Variants in NSG2 observed in about 807,000 individuals in gnomAD.
NSG2 encodes neuronal vesicle trafficking associated 2.
Under a neutral mutation model 16.9 loss-of-function variants are expected in NSG2, and 4 were observed. That is an observed-to-expected ratio of 0.24 (90% CI 0.12 to 0.54). The LOEUF is 0.54. Among genes scored for constraint, NSG2 ranks in the 20% least tolerant of loss-of-function variants. The pLI is 0.95. For synonymous variants in NSG2, 98 were observed against 88.7 expected (o/e 1.11, Z -0.59); for missense variants, 179 against 221.1 (o/e 0.81, Z 1.21).
intron 3 of NSG2, among the ~76,000 whole-genome samples, chr5:174,071,683 G>C (rs140776227): frequency 2.1e-3 from 325 of 152,228 alleles, no homozygotes; most frequent in African/African-American, 7.6e-3. Context: ...GCACTACCCC[G>C]CTGAATGGTC....
chr5:174,101,107 C>T (rs1760890859), intron 3 of NSG2, among the ~76,000 whole-genome samples: 1 of 152,176 alleles, frequency 6.6e-6, no homozygotes, highest in African/African-American at 2.4e-5. Context: ...TGTGGATGAG[C>T]CTGCGACTAT....
chr5:174,078,964 C>T (rs142132119), intron 3 of NSG2, among the ~76,000 whole-genome samples: 267 of 152,314 alleles, frequency 1.8e-3, no homozygotes, highest in South Asian at 0.015. Flanking sequence ...CACATGCACA[C>T]GCACACCCCT....
chr5:174,052,424 C>T (rs1019955651), intron 2 of NSG2, among the ~76,000 whole-genome samples: 2 of 152,100 alleles, frequency 1.3e-5, no homozygotes, highest in Non-Finnish European at 2.9e-5. Context: ...TGTGTCATCT[C>T]GGTAGCCTTA....
chr5:174,082,660 A>T (rs927262614), intron 3 of NSG2: 2 of 152,228 alleles, frequency 1.3e-5, no homozygotes, highest in African/African-American at 4.8e-5. Flanking sequence ...TTACTTTGTC[A>T]TACTTAGATA....
At chr5:174,060,273 GA>G (rs1760028518) in intron 2 of NSG2, among the ~76,000 whole-genome samples, 1 of 152,152 alleles carries the variant, frequency 6.6e-6, no homozygotes, top group Non-Finnish European at 1.5e-5. Context: ...TAAGTTTACA[GA>G]GAATGGAAAC....
intron 2 of NSG2, among the ~76,000 whole-genome samples, chr5:174,063,578 A>ATATT (rs138111820): frequency 0.16 from 23,434 of 146,484 alleles, 2,451 homozygotes; most frequent in African/African-American, 0.29. Context: ...ATTTATTTAC[A>ATATT]TATTTATTTA....
chr5:174,100,415 G>C (rs750197268), intron 3 of NSG2, among the ~76,000 whole-genome samples: 1 of 152,210 alleles, frequency 6.6e-6, no homozygotes. Context: ...GCAGCTGCTT[G>C]AGAACCACTC....
chr5:174,054,725 A>T (rs961327111), intron 2 of NSG2, among the ~76,000 whole-genome samples: 8 of 152,184 alleles, frequency 5.3e-5, no homozygotes, highest in African/African-American at 1.9e-4. Context: ...ACAGACAGTG[A>T]ATGGTCTCAG....
intron 3 of NSG2, among the ~76,000 whole-genome samples, chr5:174,070,182 C>G (rs2113442647): frequency 6.6e-6 from 1 of 152,196 alleles, no homozygotes; most frequent in Admixed American, 6.5e-5. Context: ...CCATCATGCC[C>G]CGTCTGGTCA....
intron 2 of NSG2, among the ~76,000 whole-genome samples, chr5:174,059,581 C>T (rs955147637): frequency 6.6e-6 from 1 of 152,112 alleles, no homozygotes; most frequent in African/African-American, 2.4e-5. Flanking sequence ...CTTTTAGTTT[C>T]AAGTAACAGA....
At chr5:174,081,658 G>A (rs1037147078) in intron 3 of NSG2, 1 of 152,050 alleles carries the variant, frequency 6.6e-6, no homozygotes, top group Non-Finnish European at 1.5e-5. Context: ...TAAAAAGAAT[G>A]TGCAGGCAGA....
intron 3 of NSG2, among the ~76,000 whole-genome samples, chr5:174,065,483 C>A (rs551243668): frequency 1.3e-5 from 2 of 152,148 alleles, no homozygotes; most frequent in Admixed American, 6.5e-5. Context: ...CAACAGGAAG[C>A]CTTTGAAGGA....
At chr5:174,106,714 C>T (rs181039495) in intron 4 of NSG2, among the ~76,000 whole-genome samples, 1 of 150,990 alleles carries the variant, frequency 6.6e-6, no homozygotes, top group African/African-American at 2.4e-5. Flanking sequence ...TCTGCCTCAG[C>T]CTCCTGAGTA....
At chr5:174,078,028 T>C (rs1412765622) in intron 3 of NSG2, among the ~76,000 whole-genome samples, 1 of 152,234 alleles carries the variant, frequency 6.6e-6, no homozygotes, top group East Asian at 1.9e-4. Context: ...TAGCCACCTG[T>C]GGCTATATAC....
intron 3 of NSG2, among the ~76,000 whole-genome samples, chr5:174,083,172 C>T (rs1378803130): frequency 2.0e-5 from 3 of 152,216 alleles, no homozygotes; most frequent in Admixed American, 1.3e-4. Flanking sequence ...CGCTTCTCAC[C>T]TTGCCTTCTA....
intron 3 of NSG2, 62 bp from the exon 4 acceptor site, chr5:174,104,166 T>C (rs1374482110): frequency 1.7e-6 from 2 of 1,180,560 alleles, no homozygotes; most frequent in Admixed American, 1.7e-5. Flanking sequence ...CTCTGAAAGC[T>C]GCATACGGGG....
chr5:174,080,507 CTTTCCCTCTTTCTTTCTT>C (rs1760431990), intron 3 of NSG2, among the ~76,000 whole-genome samples: 2 of 143,334 alleles, frequency 1.4e-5, no homozygotes, highest in African/African-American at 5.1e-5. Flanking sequence ...CTCTTTCTTT[CTTTCCCTCTTTCTTTCTT>C]TCTCTCTCTC....
chr5:174,047,884 TAA>T, intron 2 of NSG2, among the ~76,000 whole-genome samples: 1 of 152,230 alleles, frequency 6.6e-6, no homozygotes, highest in Middle Eastern at 3.4e-3. Context: ...TTCCCTGGCT[TAA>T]GAGCGAACAA....
chr5:174,079,243 CTCTT>C (rs1760403718), intron 3 of NSG2, among the ~76,000 whole-genome samples: 1 of 146,902 alleles, frequency 6.8e-6, no homozygotes, highest in South Asian at 2.1e-4. Flanking sequence ...GTCTTTCTCT[CTCTT>C]TCTCTCTCTC....
Sources: gnomAD v4.1 joint callset for allele counts (sites outside exome capture counted in the v4.1 genomes callset) on GRCh38, gnomAD v4.1.1 for gene constraint, MANE v1.5 for transcripts, NCBI Gene and HGNC (gene_info 2026-07-23, HGNC 2026-07-21) for gene names.